The following FSIP2 variants were observed in gnomAD, a reference collection of about 807,000 sequenced individuals.
The protein encoded by FSIP2 is fibrous sheath interacting protein 2.
In FSIP2, 367 loss-of-function variants were observed where a neutral mutation model predicts 510.5. The ratio of observed to expected loss-of-function variants is 0.72; its 90% CI spans 0.66 to 0.78. FSIP2 has a LOEUF of 0.78. FSIP2 is among the 30% of genes least tolerant of loss of function. The probability of loss-of-function intolerance (pLI) is 0.00; values close to 1 mark genes in which losing one functional copy is unlikely to be tolerated. For missense variants in FSIP2, 7,594 were observed against 7,901.7 expected (o/e 0.96, Z 1.48); for synonymous variants, 2,601 against 2,732.2 (o/e 0.95, Z 1.50).
intron 9 of FSIP2, among the ~76,000 whole-genome samples, chr2:185,756,732 T>C (rs7584776): frequency 0.54 from 82,148 of 150,868 alleles, 22,609 homozygotes; most frequent in South Asian, 0.64. Context: ...CATTGAAAGA[T>C]TATAAGCCCA....
At chr2:185,743,759 T>C (rs1356415168) in intron 3 of FSIP2, among the ~76,000 whole-genome samples, 1 of 152,218 alleles carries the variant, frequency 6.6e-6, no homozygotes, top group East Asian at 1.9e-4. Context: ...CAATTACAGC[T>C]AATTGAAATT....
chr2:185,778,145 T>TAA (rs1448105681), intron 13 of FSIP2, among the ~76,000 whole-genome samples: 2 of 152,022 alleles, frequency 1.3e-5, no homozygotes, highest in South Asian at 4.1e-4. Context: ...ATATATCCTA[T>TAA]TTATTTAGAT....
chr2:185,745,328 A>G, intron 4 of FSIP2, 101 bp from the exon 5 acceptor site: 1 of 681,524 alleles, frequency 1.5e-6, no homozygotes, highest in South Asian at 3.9e-5. Context: ...AATGCAATTA[A>G]ACAGAATTAA....
Position 185,738,825 on chromosome 2 carries a change from G to C in FSIP2, c.-70G>C, listed in dbSNP as rs1388744868. 6.5e-7 allele frequency: 1 copy of C among 1,535,988 alleles called. No homozygotes were observed. Among genetic ancestry groups the C allele is most frequent in the Non-Finnish European group, 8.7e-7 (1 of 1,146,814 alleles). ...GGCCATTCCTGGTCAGGTCCGGACA[G>C]AGGGACAACGGGGTGCTAGAGAAGG... On this transcript the variant is annotated 5_prime_UTR_variant, in exon 1 of 23. Coordinates refer to ENST00000424728, the MANE Select transcript of FSIP2 (RefSeq NM_173651.4).
In FSIP2 at chr2:185,762,131, T is replaced by C. The variant is rs1411073268; in HGVS notation, c.1240+114T>C. ...ATAAAAATATGCTTATTCTAAAAAA[T>C]TAAGGCTGATATAAATTTTTTATGA... On this transcript the variant is annotated intron_variant, in intron 11 of 22. Coordinates refer to ENST00000424728, the MANE Select transcript of FSIP2 (RefSeq NM_173651.4). 3 of 526,590 alleles carry C rather than the reference T, an allele frequency of 5.7e-6. No individual in the cohort carries two copies. The East Asian group carries it at 9.0e-5, about 16-fold the overall frequency. The allele number at this position is 526,590 out of a possible 1,614,324, so 32.6% of individuals were successfully genotyped here.
At chr2:185,756,595 C>T (rs1387631455) in intron 9 of FSIP2, among the ~76,000 whole-genome samples, 1 of 151,322 alleles carries the variant, frequency 6.6e-6, no homozygotes, top group East Asian at 1.9e-4. Context: ...TCAAAATAAT[C>T]TCAGAAAACT....
chr2:185,761,767 T>C (rs1483408115), intron 10 of FSIP2, among the ~76,000 whole-genome samples: 1 of 151,236 alleles, frequency 6.6e-6, no homozygotes, highest in Non-Finnish European at 1.5e-5. Context: ...CATATTGAAC[T>C]CAGTTTTGGA....
At position 185,804,393 on chromosome 2, in the gene FSIP2, T is replaced by C; in HGVS notation, c.15087T>C (p.Tyr5029=). The C allele has an allele frequency of 6.6e-7, 1 of 1,505,122 alleles. No individual in the cohort carries two copies. The highest frequency in any genetic ancestry group is 1.3e-5 in the South Asian group (1 of 79,224). The allele number at this position is 1,505,122 out of a possible 1,614,324, so 93.2% of individuals were successfully genotyped here. The stretch of plus-strand genomic sequence containing the variant: ...TTCAAAAAATAGTCAACTCAGTATA[T>C]GGAAAAGTATTAGATCAATATAAAT... ...EMVQKIVNSV[Y]GKVLDQYKSL... Residue 5029 remains tyrosine (Y), a synonymous_variant, in exon 17 of 23, where the codon TAT becomes TAC. Coordinates refer to ENST00000424728, the MANE Select transcript of FSIP2 (RefSeq NM_173651.4).
Position 185,808,689 on chromosome 2 carries a change from A to G in FSIP2, c.19383A>G (p.Gly6461=). The G allele has an allele frequency of 6.2e-7, 1 of 1,610,430 alleles. No individual in the cohort carries two copies. The highest frequency in any genetic ancestry group is 1.1e-5 in the South Asian group (1 of 90,552). The change falls in exon 17 of 23, where the codon GGA becomes GGG. Residue 6461 remains glycine, a synonymous_variant. Coordinates refer to ENST00000424728, the MANE Select transcript of FSIP2 (RefSeq NM_173651.4). ...AAGTGGCTAGTTTAATTATTGATGG[A>G]GTTTCAAGTTTTCCATTAGATACAA... The part of the protein sequence containing the change: ...PKKVASLIID[G]VSSFPLDTIN...
Position 185,804,124 on chromosome 2 carries a change from T to A in FSIP2, c.14818T>A (p.Ser4940Thr). 1.3e-6 allele frequency: 2 copies of A among 1,521,926 alleles called. No homozygotes were observed. The highest frequency in any genetic ancestry group is 2.5e-5 in the South Asian group (2 of 80,912). 94.3% of individuals were successfully genotyped at this position (1,521,926 alleles called of 1,614,324 possible). ...AATAGATCCTAAACAAAGAGAATTA[T>A]CTTTTATTGTGAACTCATCTGTCTT... ...KAIDPKQREL[S>T]FIVNSSVFLE... The change falls in exon 17 of 23, where the codon TCT (serine) becomes ACT (threonine). Residue 4940 changes from serine (S) to threonine (T), a missense_variant. Ser to Thr is a moderately conservative substitution (Grantham distance 58). Coordinates refer to ENST00000424728, the MANE Select transcript of FSIP2 (RefSeq NM_173651.4).
rs761506231 is a variant in FSIP2, at chr2:185,805,627, T to C, written c.16321T>C (p.Leu5441=). 1.9e-6 allele frequency: 3 copies of C among 1,609,152 alleles called. No individual in the cohort carries two copies. The highest frequency in any genetic ancestry group is 2.2e-5 in the South Asian group (2 of 90,392). ...SRCAKENQLS[L]PDQSYKDTSS... ...ATGTGCAAAAGAGAACCAACTTTCT[T>C]TACCAGATCAATCATATAAAGATAC... Residue 5441 remains leucine, a synonymous_variant, in exon 17 of 23, where the codon TTA becomes CTA. Coordinates refer to ENST00000424728, the MANE Select transcript of FSIP2 (RefSeq NM_173651.4).
At chr2:185,773,552 T>C (rs772065501) in intron 13 of FSIP2, among the ~76,000 whole-genome samples, 5 of 152,210 alleles carry the variant, frequency 3.3e-5, no homozygotes, top group African/African-American at 4.8e-5. Flanking sequence ...TACACGTGCT[T>C]CAGTTTGTAT....
chr2:185,775,649 T>A (rs1360970878), intron 13 of FSIP2, among the ~76,000 whole-genome samples: 1 of 151,844 alleles, frequency 6.6e-6, no homozygotes, highest in African/African-American at 2.4e-5. Flanking sequence ...AAATTGTGGG[T>A]TTTTTGTTTT....
chr2:185,818,762 G>A (rs1693866505), intron 19 of FSIP2, among the ~76,000 whole-genome samples: 1 of 151,702 alleles, frequency 6.6e-6, no homozygotes, highest in Non-Finnish European at 1.5e-5. Flanking sequence ...GACATTCCAA[G>A]ACAAGGAAAG....
At chr2:185,767,306 C>CCCA (rs1359824197) in intron 13 of FSIP2, among the ~76,000 whole-genome samples, 1 of 148,660 alleles carries the variant, frequency 6.7e-6, no homozygotes, top group Non-Finnish European at 1.5e-5. Flanking sequence ...TACCCTAAAA[C>CCCA]TTAAAGTATA....
In FSIP2 at chr2:185,790,900, C is replaced by T; in HGVS notation, c.3764C>T (p.Pro1255Leu). Reference sequence around the variant, plus strand: ...AAATCTGGAAAAAGTGAACCTAAACCTGTAGATGACATTAATGATAAGATC... The same window carrying T: ...AAATCTGGAAAAAGTGAACCTAAACTTGTAGATGACATTAATGATAAGATC... ...WLKSGKSEPK[P>L]VDDINDKIIR... is the part of the protein sequence containing the mutation. The change falls in exon 16 of 23, where the codon CCT becomes CTT. Residue 1255 changes from proline to leucine, a missense_variant. By Grantham distance (98) the Pro-to-Leu change is moderately conservative. Coordinates refer to ENST00000424728, the MANE Select transcript of FSIP2 (RefSeq NM_173651.4). 6.5e-7 allele frequency: 1 copy of T among 1,529,428 alleles called. No individual in the cohort carries two copies. Among genetic ancestry groups the T allele is most frequent in the African/African-American group, 1.4e-5 (1 of 72,596 alleles). 94.7% of individuals were successfully genotyped at this position (1,529,428 alleles called of 1,614,324 possible). A position where few individuals can be genotyped will look rare whatever the true frequency, so the allele number is the denominator to read the frequency against.
chr2:185,759,992 C>A (rs928649775), intron 9 of FSIP2, among the ~76,000 whole-genome samples: 45 of 129,214 alleles, frequency 3.5e-4, no homozygotes, highest in Non-Finnish European at 1.0e-4. Context: ...TGTGATGAGA[C>A]ATGATCATTT....
Position 185,808,980 on chromosome 2 carries a change from T to C in FSIP2, c.19674T>C (p.Cys6558=), listed in dbSNP as rs758538031. Residue 6558 remains cysteine (C), a synonymous_variant, in exon 17 of 23, where the codon TGT becomes TGC. Coordinates refer to ENST00000424728, the MANE Select transcript of FSIP2 (RefSeq NM_173651.4). The stretch of plus-strand genomic sequence containing the variant: ...CTCTTGAGAAACTTAAGCAGGAGTG[T>C]TTGAAAAGAACTGGACATAGCATAG... ...TQPLEKLKQE[C]LKRTGHSIAE... 1 of 1,612,362 alleles carries C rather than the reference T, an allele frequency of 6.2e-7. No individual in the cohort carries two copies. Among genetic ancestry groups the C allele is most frequent in the South Asian group, 1.1e-5 (1 of 90,800 alleles).
Position 185,764,549 on chromosome 2 carries a change from C to T in FSIP2, c.1395C>T (p.Ser465=). Residue 465 remains serine (S), a synonymous_variant, in exon 13 of 23, where the codon AGC becomes AGT. Coordinates refer to ENST00000424728, the MANE Select transcript of FSIP2 (RefSeq NM_173651.4). The stretch of plus-strand genomic sequence containing the variant: ...ATGGAAGACCAACCAAGAGATCAAG[C>T]TATCTCTGCGAATCAGGTAAATATC... The part of the protein sequence containing the change: ...DWDGRPTKRS[S]YLCESGPQAH... The T allele has an allele frequency of 6.6e-7, 1 of 1,526,586 alleles. No individual in the cohort carries two copies. Among genetic ancestry groups the T allele is most frequent in the Non-Finnish European group, 8.8e-7 (1 of 1,139,270 alleles). The allele number at this position is 1,526,586 out of a possible 1,614,324, so 94.6% of individuals were successfully genotyped here.
Sources: allele counts gnomAD v4.1 joint callset (sites outside exome capture counted in the v4.1 genomes callset), GRCh38; gene constraint gnomAD v4.1.1; transcripts MANE v1.5; gene names NCBI Gene and HGNC (gene_info 2026-07-23, HGNC 2026-07-21).